XG: variants seen among roughly 807,000 people sequenced by gnomAD.
XG encodes the protein glycoprotein Xg.
A neutral mutation model predicts 25.7 loss-of-function variants in XG; 24 were observed. The ratio of observed to expected loss-of-function variants is 0.93; its 90% confidence interval spans 0.68 to 1.31. The LOEUF (loss-of-function observed/expected upper bound fraction) is 1.31, where lower values mean the gene tolerates loss of function less well. XG is among the 40% of genes most tolerant of loss of function. The probability of loss-of-function intolerance (pLI) is 0.00; values close to 1 mark genes in which losing one functional copy is unlikely to be tolerated. For missense variants in XG, 181 were observed against 187.6 expected (o/e 0.96, Z 0.21); for synonymous variants, 77 against 69.2 (o/e 1.11, Z -0.56).
intron 3 of XG, among the ~76,000 whole-genome samples, chrX:2,777,047 A>C (rs2051014449): frequency 6.6e-6 from 1 of 152,240 alleles, no homozygotes; most frequent in African/African-American, 2.4e-5. Context: ...AAGCTCTGCA[A>C]ATTTTGCTGA....
intron 2 of XG, among the ~76,000 whole-genome samples, chrX:2,771,734 A>G (rs1409539307): frequency 6.6e-6 from 1 of 152,216 alleles, no homozygotes; most frequent in Non-Finnish European, 1.5e-5. Context: ...TGTTGGAGGA[A>G]GAGAGAATGA....
intron 1 of XG, among the ~76,000 whole-genome samples, chrX:2,760,204 A>G (rs1490504690): frequency 6.6e-6 from 1 of 151,890 alleles, no homozygotes; most frequent in African/African-American, 2.4e-5. Flanking sequence ...AAGGAAGAGT[A>G]TTATTGAGAG....
chrX:2,773,035 A>G (rs190290100), intron 2 of XG, among the ~76,000 whole-genome samples: 1 of 147,972 alleles, frequency 6.8e-6, no homozygotes, highest in East Asian at 2.1e-4. Flanking sequence ...TTATAATTTT[A>G]CATTTTAAAA....
chrX:2,755,840 G>T (rs1389108670), intron 1 of XG, among the ~76,000 whole-genome samples: 2 of 152,068 alleles, frequency 1.3e-5, no homozygotes, highest in African/African-American at 2.4e-5. Context: ...ACATTCCCAA[G>T]ATCCCAAAAA....
intron 1 of XG, among the ~76,000 whole-genome samples, chrX:2,757,606 C>A (rs1174357338): frequency 6.6e-6 from 1 of 151,804 alleles, no homozygotes; most frequent in Non-Finnish European, 1.5e-5. Context: ...GAGGATTGTG[C>A]CAAGTATTTT....
Position 2,794,589 on chromosome X carries a change from C to T in XG, c.308C>T (p.Pro103Leu). 8.3e-7 allele frequency: 1 copy of T among 1,211,372 alleles called. No homozygotes were observed. The highest frequency in any genetic ancestry group is 1.1e-6 in the Non-Finnish European group (1 of 895,327). ...GGACGCTACCCGCCCAGGCCCAGGCCACGGCCGCCTGCAGGTAGGTGCCGA... is the reference window on the plus strand; with the variant it reads ...GGACGCTACCCGCCCAGGCCCAGGCTACGGCCGCCTGCAGGTAGGTGCCGA... ...DDGRYPPRPRPRPPAGGGGGG... is the reference protein window; with the variant it reads ...DDGRYPPRPRLRPPAGGGGGG... Residue 103 changes from proline (P) to leucine (L), a missense_variant, in exon 6 of 11, where the codon CCA becomes CTA. Pro to Leu is a moderately conservative substitution (Grantham distance 98, BLOSUM62 -3). Coordinates refer to ENST00000644266, the MANE Select transcript of XG (RefSeq NM_001141919.2).
chrX:2,764,290 G>A (rs1333703256), intron 1 of XG, among the ~76,000 whole-genome samples: 1 of 152,090 alleles, frequency 6.6e-6, no homozygotes, highest in Non-Finnish European at 1.5e-5. Context: ...AGTGGCCCTC[G>A]GGGCTGCTCC....
At chrX:2,780,409 CT>C (rs761736293) in intron 3 of XG, among the ~76,000 whole-genome samples, 4,813 of 122,494 alleles carry the variant, frequency 0.039, 119 homozygotes, top group South Asian at 0.15. Flanking sequence ...AACAATTGGG[CT>C]TTTTTTTTTT....
intron 4 of XG, among the ~76,000 whole-genome samples, chrX:2,784,606 T>C (rs2086767110): frequency 9.2e-6 from 1 of 108,302 alleles, no homozygotes; most frequent in African/African-American, 3.4e-5. Flanking sequence ...AAAAAAAACT[T>C]AAAATGCGAG....
At chrX:2,795,875 C>A (rs1004169889) in intron 6 of XG, among the ~76,000 whole-genome samples, 1 of 110,114 alleles carries the variant, frequency 9.1e-6, no homozygotes, top group Admixed American at 9.8e-5. Context: ...CCAGGCTGGT[C>A]CTGAACTCCT....
intron 3 of XG, among the ~76,000 whole-genome samples, chrX:2,779,689 C>T (rs1186999280): frequency 7.9e-5 from 12 of 152,082 alleles, no homozygotes. Context: ...CTCTGTTGCC[C>T]AGGCTGGAGT....
chrX:2,771,504 G>A (rs2050819058), intron 2 of XG, among the ~76,000 whole-genome samples: 1 of 152,318 alleles, frequency 6.6e-6, no homozygotes, highest in Admixed American at 6.5e-5. Flanking sequence ...CCTGGGCCCT[G>A]CAGAAAGTCC....
Position 2,816,197 on chromosome X carries a change from G to C in XG, c.*1817G>C, listed in dbSNP as rs1260258001. On this transcript the variant is annotated 3_prime_UTR_variant, in exon 11 of 11. Transcript: ENST00000644266. ...TGCTTGGGGGAACCTCTCTTTGAGG[G>C]GTCATGAGGACCACCTGCTGGGCAT... The C allele has an allele frequency of 2.7e-5, 3 of 112,244 alleles. No individual in the cohort carries two copies. The highest frequency in any genetic ancestry group is 9.4e-5 in the Admixed American group (1 of 10,583). 9.3% of individuals were successfully genotyped at this position (112,244 alleles called of 1,213,427 possible).
intron 5 of XG, among the ~76,000 whole-genome samples, chrX:2,793,271 T>C (rs771510801): frequency 1.9e-4 from 21 of 111,711 alleles, no homozygotes; most frequent in Admixed American, 3.8e-4. Context: ...GGATTTCTTA[T>C]AGATCGAGAC....
intron 1 of XG, among the ~76,000 whole-genome samples, chrX:2,762,966 A>C (rs1469113640): frequency 6.6e-6 from 1 of 152,208 alleles, no homozygotes; most frequent in Non-Finnish European, 1.5e-5. Flanking sequence ...GTAGAACAAT[A>C]GCCAAGGAAG....
At chrX:2,759,785 T>C (rs2050522098) in intron 1 of XG, among the ~76,000 whole-genome samples, 1 of 152,192 alleles carries the variant, frequency 6.6e-6, no homozygotes, top group Non-Finnish European at 1.5e-5. Context: ...AAAAGTGGGG[T>C]TCTGCCTGCA....
chrX:2,761,801 A>G (rs1391604523), intron 1 of XG, among the ~76,000 whole-genome samples: 1 of 152,126 alleles, frequency 6.6e-6, no homozygotes, highest in African/African-American at 2.4e-5. Flanking sequence ...CCCAGGAGAG[A>G]GGACTCAGGA....
intron 1 of XG, among the ~76,000 whole-genome samples, chrX:2,759,875 G>A (rs2050525183): frequency 6.6e-6 from 1 of 152,228 alleles, no homozygotes; most frequent in East Asian, 1.9e-4. Flanking sequence ...AAACCTGTGA[G>A]CGATGTGTGC....
chrX:2,770,577 C>A lies in XG; in HGVS notation c.89C>A (p.Ala30Asp). 6.2e-7 allele frequency: 1 copy of A among 1,613,880 alleles called. No homozygotes were observed. The highest frequency in any genetic ancestry group is 8.5e-7 in the Non-Finnish European group (1 of 1,179,864). The stretch of plus-strand genomic sequence containing the variant: ...CAAAGAGACTTTGATTTGGCAGATG[C>A]CCTTGATGACCCTGGTAAGTGCCGA... ...RGQRDFDLAD[A>D]LDDPEPTKKP... is the part of the protein sequence containing the mutation. Residue 30 changes from alanine (A) to aspartate (D), a missense_variant, in exon 2 of 11, where the codon GCC becomes GAC. By Grantham distance (126) the Ala-to-Asp change is moderately radical (BLOSUM62 -2). Transcript: ENST00000644266.
Sources: allele counts gnomAD v4.1 joint callset (sites outside exome capture counted in the v4.1 genomes callset), GRCh38; gene constraint gnomAD v4.1.1; transcripts MANE v1.5; gene names NCBI Gene and HGNC (gene_info 2026-07-23, HGNC 2026-07-21).